CIB4: variants seen among roughly 807,000 people sequenced by gnomAD.
The protein encoded by CIB4 is calcium and integrin-binding family member 4.
CIB4 carries 25 observed loss-of-function variants against 25.8 expected under a neutral mutation model. That is an observed-to-expected ratio of 0.97 (90% CI 0.71 to 1.35). CIB4 has a LOEUF of 1.35. Among genes scored for constraint, CIB4 ranks in the 40% most tolerant of loss-of-function variants. The probability of loss-of-function intolerance (pLI) is 0.00; values close to 1 mark genes in which losing one functional copy is unlikely to be tolerated. For missense variants in CIB4, 235 were observed against 228.2 expected (o/e 1.03, Z -0.19); for synonymous variants, 75 against 81.4 (o/e 0.92, Z 0.42).
intron 3 of CIB4, among the ~76,000 whole-genome samples, chr2:26,629,186 G>A (rs1669366302): frequency 6.6e-6 from 1 of 152,172 alleles, no homozygotes; most frequent in Non-Finnish European, 1.5e-5. Context: ...ACAGGGTCCT[G>A]CTCTAGGACC....
At position 26,616,804 on chromosome 2, in the gene CIB4, C is replaced by T. The variant is rs78229948; in HGVS notation, c.186+12606G>A. ...GTGTGTATCCACACAGGCACACACACGTGTCACCTGCATGGTGACTTTGAC... is the reference window on the plus strand; with the variant it reads ...GTGTGTATCCACACAGGCACACACATGTGTCACCTGCATGGTGACTTTGAC... On this transcript the variant is annotated intron_variant, in intron 3 of 6. Transcript: ENST00000288861. Among the ~76,000 whole-genome samples the T allele has an allele frequency of 0.023, 3,532 of 152,338 alleles. 334 individuals are homozygous for T. The East Asian group carries it at 0.33, about 14-fold the overall frequency.
intron 4 of CIB4, among the ~76,000 whole-genome samples, chr2:26,587,016 C>T (rs767972786): frequency 4.6e-5 from 7 of 152,076 alleles, no homozygotes; most frequent in Admixed American, 2.6e-4. Flanking sequence ...TGGCCCGGCA[C>T]GGTGGATTAC....
intron 3 of CIB4, among the ~76,000 whole-genome samples, chr2:26,601,804 A>G (rs1668797663): frequency 6.6e-6 from 1 of 152,238 alleles, no homozygotes; most frequent in African/African-American, 2.4e-5. Flanking sequence ...ATGGAATACT[A>G]CTCAGCAATA....
At chr2:26,621,643 A>G (rs1669206969) in intron 3 of CIB4, among the ~76,000 whole-genome samples, 1 of 152,266 alleles carries the variant, frequency 6.6e-6, no homozygotes, top group South Asian at 2.1e-4. Flanking sequence ...CCTTTATCAG[A>G]AAGCTACCAG....
chr2:26,584,030 G>A (rs1417029295), intron 4 of CIB4, 132 bp from the exon 5 acceptor site: 6 of 623,564 alleles, frequency 9.6e-6, no homozygotes, highest in South Asian at 1.9e-5. Context: ...AGGCCCCCCA[G>A]AGCCCAACTC....
intron 2 of CIB4, among the ~76,000 whole-genome samples, chr2:26,634,479 C>G (rs1669493231): frequency 6.6e-6 from 1 of 152,178 alleles, no homozygotes; most frequent in African/African-American, 2.4e-5. Context: ...TCGGTGCTGA[C>G]CCATGTGCCA....
At chr2:26,615,518 G>T (rs1669075744) in intron 3 of CIB4, among the ~76,000 whole-genome samples, 1 of 152,206 alleles carries the variant, frequency 6.6e-6, no homozygotes, top group Non-Finnish European at 1.5e-5. Flanking sequence ...GGCCCAGGAA[G>T]AGGAAGGAAC....
intron 3 of CIB4, among the ~76,000 whole-genome samples, chr2:26,622,254 G>A (rs1669218104): frequency 6.6e-6 from 1 of 152,052 alleles, no homozygotes; most frequent in African/African-American, 2.4e-5. Flanking sequence ...CCAGCTACTT[G>A]GGAGGCTGAG....
intron 3 of CIB4, among the ~76,000 whole-genome samples, chr2:26,612,630 T>C (rs1380471670): frequency 6.6e-6 from 1 of 151,968 alleles, no homozygotes; most frequent in East Asian, 1.9e-4. Flanking sequence ...CCTTCCCTTT[T>C]CTCGGTGATT....
At chr2:26,581,672 T>A (rs1336234351) in intron 6 of CIB4, among the ~76,000 whole-genome samples, 1 of 152,148 alleles carries the variant, frequency 6.6e-6, no homozygotes, top group African/African-American at 2.4e-5. Flanking sequence ...CTCTGAGCAG[T>A]CGGGGTGCCA....
Position 26,616,092 on chromosome 2 carries a change from G to A in CIB4, c.186+13318C>T, listed in dbSNP as rs558532527. ...GGTGGCTGGGCTGCTTAACCCCTGT[G>A]GGCCTCTGCGGCCCAGCTGTAAATG... On this transcript the variant is annotated intron_variant, in intron 3 of 6. Coordinates refer to ENST00000288861, the MANE Select transcript of CIB4 (RefSeq NM_001029881.3). 3.4e-3 allele frequency among the ~76,000 whole-genome samples: 522 copies of A among 152,284 alleles called. 5 individuals carry two copies. Among genetic ancestry groups the A allele is most frequent in the African/African-American group, 0.012 (506 of 41,568 alleles).
chr2:26,588,536 C>G (rs187860080), intron 4 of CIB4, among the ~76,000 whole-genome samples: 1 of 152,358 alleles, frequency 6.6e-6, no homozygotes, highest in Admixed American at 6.5e-5. Context: ...CCCAAAGACT[C>G]TGACCATTGT....
chr2:26,601,193 C>T (rs1166315180), intron 3 of CIB4, among the ~76,000 whole-genome samples: 1 of 137,724 alleles, frequency 7.3e-6, no homozygotes, highest in Non-Finnish European at 1.5e-5. Context: ...GCACTCCAGC[C>T]TGAGTGACAG....
At chr2:26,630,774 G>A (rs1669401842) in intron 2 of CIB4, among the ~76,000 whole-genome samples, 1 of 152,144 alleles carries the variant, frequency 6.6e-6, no homozygotes, top group Non-Finnish European at 1.5e-5. Flanking sequence ...TGAAACGTCA[G>A]CGCAGTGTTT....
At position 26,581,221 on chromosome 2, in the gene CIB4, C is replaced by G; in HGVS notation, c.*142G>C. 1 of 680,574 alleles carries G rather than the reference C, an allele frequency of 1.5e-6. No homozygotes were observed. 42.2% of individuals were successfully genotyped at this position (680,574 alleles called of 1,614,324 possible). ...CTGATGGGCTAAGGAAAAGCTTTTT[C>G]TTTTATCTAATAAACAATATTCTAG... is the stretch of plus-strand genomic sequence containing the variant. On this transcript the variant is annotated 3_prime_UTR_variant, in exon 7 of 7. Transcript: ENST00000288861.
At chr2:26,586,976 C>T (rs1464349597) in intron 4 of CIB4, among the ~76,000 whole-genome samples, 1 of 152,024 alleles carries the variant, frequency 6.6e-6, no homozygotes, top group Admixed American at 6.6e-5. Flanking sequence ...ACCTGGGATC[C>T]CTGACACTGA....
chr2:26,613,351 C>T (rs1669032552), intron 3 of CIB4, among the ~76,000 whole-genome samples: 1 of 152,176 alleles, frequency 6.6e-6, no homozygotes, highest in Admixed American at 6.5e-5. Context: ...GAACGTATGT[C>T]TTCCCAAGTC....
At chr2:26,610,955 T>C (rs1668985667) in intron 3 of CIB4, among the ~76,000 whole-genome samples, 1 of 80,484 alleles carries the variant, frequency 1.2e-5, no homozygotes, top group Admixed American at 1.5e-4. Flanking sequence ...ATGGAAAAAA[T>C]ACACATGGGT....
chr2:26,601,751 T>C (rs537948208), intron 3 of CIB4, among the ~76,000 whole-genome samples: 1 of 152,280 alleles, frequency 6.6e-6, no homozygotes, highest in South Asian at 2.1e-4. Context: ...CACTAGGTAC[T>C]TCCACAGGTG....
Sources: gnomAD v4.1 joint callset for allele counts (sites outside exome capture counted in the v4.1 genomes callset) on GRCh38, gnomAD v4.1.1 for gene constraint, MANE v1.5 for transcripts, NCBI Gene and HGNC (gene_info 2026-07-23, HGNC 2026-07-21) for gene names.